The following DMXL2 variants were observed in gnomAD, a reference collection of about 807,000 sequenced individuals.
The protein encoded by DMXL2 is dmX-like protein 2.
Under a neutral mutation model 331.1 loss-of-function variants are expected in DMXL2, and 103 were observed. That is an observed-to-expected ratio of 0.31 (90% confidence interval 0.27 to 0.37). The LOEUF (loss-of-function observed/expected upper bound fraction) is 0.37. Ranked by LOEUF, DMXL2 falls within the 10% of genes least tolerant of loss-of-function variation. DMXL2 has a pLI of 1.00. For synonymous variants in DMXL2, 1,281 were observed against 1,252.1 expected (o/e 1.02, Z -0.49); for missense variants, 3,171 against 3,642.9 (o/e 0.87, Z 3.33).
intron 29 of DMXL2, among the ~76,000 whole-genome samples, chr15:51,469,649 T>C (rs1221396896): frequency 6.6e-6 from 1 of 152,204 alleles, no homozygotes; most frequent in Non-Finnish European, 1.5e-5. Flanking sequence ...GGAAACATTT[T>C]TGAAAAACAA....
chr15:51,478,538 A>G (rs1382047029), intron 25 of DMXL2, among the ~76,000 whole-genome samples, 191 bp from the exon 26 acceptor site: 1 of 152,146 alleles, frequency 6.6e-6, no homozygotes, highest in Non-Finnish European at 1.5e-5. Flanking sequence ...GCCACAATAA[A>G]GCTGATTGTT....
chr15:51,563,416 AC>A lies in DMXL2; in HGVS notation c.531del (p.Trp177CysfsTer18). 1 of 1,609,524 alleles carries A rather than the reference AC, an allele frequency of 6.2e-7. No individual in the cohort carries two copies. The highest frequency in any genetic ancestry group is 8.5e-7 in the Non-Finnish European group (1 of 1,178,206). Reference sequence around the variant, plus strand: ...GTAGCAAAATATTCACCATCAGGAGACCATTCCATCAAATGTACAGATACTG... The same window carrying A: ...GTAGCAAAATATTCACCATCAGGAGACATTCCATCAAATGTACAGATACTG... ...KTSVSVHLMEWSPDGEYFATA... is the reference protein window; with the variant it reads ...KTSVSVHLMEXSPDGEYFATA... On this transcript the variant is annotated frameshift_variant, in exon 6 of 44. Coordinates refer to ENST00000560891, the MANE Select transcript of DMXL2 (RefSeq NM_001378457.1). LOFTEE classifies it high-confidence loss of function.
At chr15:51,467,390 ATAAAT>A (rs1359997854) in intron 29 of DMXL2, among the ~76,000 whole-genome samples, 2 of 152,302 alleles carry the variant, frequency 1.3e-5, no homozygotes, top group African/African-American at 2.4e-5. Flanking sequence ...GCTTAACAAG[ATAAAT>A]TAATAATATC....
chr15:51,587,618 G>A (rs1156558429), intron 1 of DMXL2, among the ~76,000 whole-genome samples: 4 of 152,228 alleles, frequency 2.6e-5, no homozygotes, highest in East Asian at 1.9e-4. Context: ...GAATAGTGCC[G>A]CAGTAAACAT....
At chr15:51,582,594 T>C (rs868489269) in intron 1 of DMXL2, among the ~76,000 whole-genome samples, 68 of 152,288 alleles carry the variant, frequency 4.5e-4, no homozygotes, top group African/African-American at 1.5e-3. Context: ...AAAACACCCA[T>C]TCCTTCTCTC....
chr15:51,540,731 T>TTTA (rs2048547574), intron 9 of DMXL2, among the ~76,000 whole-genome samples: 1 of 152,190 alleles, frequency 6.6e-6, no homozygotes, highest in East Asian at 1.9e-4. Context: ...TATATTTACA[T>TTTA]GCAGTAACTA....
rs931080857 is a variant in DMXL2 at position 51,447,791 on chromosome 15, T to C, written c.*1193A>G. On this transcript the variant is annotated 3_prime_UTR_variant, in exon 44 of 44. Coordinates refer to ENST00000560891, the MANE Select transcript of DMXL2 (RefSeq NM_001378457.1). ...TCAAAAACAGTATCAAACTAAAAAC[T>C]CTAACAAATAACATTTATTTTTCTT... 7 of 152,652 alleles carry C rather than the reference T, an allele frequency of 4.6e-5. No homozygotes were observed. The highest frequency in any genetic ancestry group is 1.7e-4 in the African/African-American group (7 of 41,468). The allele number at this position is 152,652 out of a possible 1,614,324, so 9.5% of individuals were successfully genotyped here.
At chr15:51,505,376 T>C (rs2043988439) in intron 16 of DMXL2, among the ~76,000 whole-genome samples, 1 of 152,204 alleles carries the variant, frequency 6.6e-6, no homozygotes, top group African/African-American at 2.4e-5. Flanking sequence ...AGACACACGC[T>C]TCATAAGCAG....
intron 6 of DMXL2, among the ~76,000 whole-genome samples, chr15:51,555,413 T>C (rs1334472252): frequency 1.3e-5 from 2 of 152,004 alleles, no homozygotes; most frequent in Middle Eastern, 3.2e-3. Context: ...AGGCAAAAAA[T>C]ACAAAGTTGA....
intron 1 of DMXL2, among the ~76,000 whole-genome samples, chr15:51,585,176 G>C (rs893957715): frequency 9.9e-6 from 1 of 100,620 alleles, no homozygotes; most frequent in Non-Finnish European, 2.0e-5. Flanking sequence ...TTGAATAGGA[G>C]CGGTGAGAGA....
At position 51,502,999 on chromosome 15, in the gene DMXL2, T is replaced by C. The variant is rs751967559; in HGVS notation, c.2799A>G (p.Leu933=). The change falls in exon 17 of 44, where the codon CTA becomes CTG. Residue 933 remains leucine, a synonymous_variant. Transcript: ENST00000560891. ...CGTTCTTCTGTCCAGGGACTGAAAG[T>C]AGACTCTCAGAGGAAGCCCCTTCTG... ...KASEGASSES[L]LSVPGQKNVD... is the part of the protein sequence containing the mutation. 4.3e-6 allele frequency: 7 copies of C among 1,613,742 alleles called. No homozygotes were observed. The highest frequency in any genetic ancestry group is 3.3e-5 in the Admixed American group (2 of 60,012).
At chr15:51,582,585 A>G (rs2051508412) in intron 1 of DMXL2, among the ~76,000 whole-genome samples, 1 of 152,208 alleles carries the variant, frequency 6.6e-6, no homozygotes, top group South Asian at 2.1e-4. Flanking sequence ...TTTCCCAGGA[A>G]AACACCCATT....
intron 32 of DMXL2, among the ~76,000 whole-genome samples, chr15:51,464,390 ACC>A (rs2040395333): frequency 6.6e-6 from 1 of 152,186 alleles, no homozygotes; most frequent in African/African-American, 2.4e-5. Context: ...ACAGAGTGAG[ACC>A]TTGTCTCTTG....
rs573317184 is a variant in DMXL2 at position 51,448,503 on chromosome 15, C to T, written c.*481G>A. 9.7e-4 allele frequency: 180 copies of T among 186,394 alleles called. 3 individuals are homozygous for T. The South Asian group carries it at 0.014, about 14-fold the overall frequency. The allele number at this position is 186,394 out of a possible 1,614,324, so 11.5% of individuals were successfully genotyped here. A position where few individuals can be genotyped will look rare whatever the true frequency, so the allele number is the denominator to read the frequency against. ...TCACAGCAGAGAACTGGTCACTGCGCACTGCTCCACAGCTAAGAAAGTTTT... is the reference window on the plus strand; with the variant it reads ...TCACAGCAGAGAACTGGTCACTGCGTACTGCTCCACAGCTAAGAAAGTTTT... On this transcript the variant is annotated 3_prime_UTR_variant, in exon 44 of 44. Transcript: ENST00000560891.
chr15:51,565,784 T>C (rs2050230009), intron 3 of DMXL2, among the ~76,000 whole-genome samples: 3 of 152,202 alleles, frequency 2.0e-5, no homozygotes, highest in Non-Finnish European at 2.9e-5. Flanking sequence ...GTGAAAAGCT[T>C]TGCAAAGCTA....
rs1214786499 is a variant in DMXL2, at chr15:51,564,400, T to G, written c.365-140A>C. On this transcript the variant is annotated intron_variant, in intron 4 of 43. Coordinates refer to ENST00000560891, the MANE Select transcript of DMXL2 (RefSeq NM_001378457.1). ...TCGCCAACGAAAAACACTTGGTATA[T>G]ATTTTTTTAAAGTCCCTTATAAGAA... 3 of 566,704 alleles carry G rather than the reference T, an allele frequency of 5.3e-6. No individual in the cohort carries two copies. The African/African-American group carries it at 5.9e-5, about 11-fold the overall frequency. 35.1% of individuals were successfully genotyped at this position (566,704 alleles called of 1,614,324 possible).
At chr15:51,518,319 C>T (rs534969953) in intron 13 of DMXL2, among the ~76,000 whole-genome samples, 7 of 151,766 alleles carry the variant, frequency 4.6e-5, no homozygotes, top group African/African-American at 1.7e-4. Context: ...GGTGACAGGG[C>T]GAGACTCCGT....
At chr15:51,578,248 C>T (rs894517392) in intron 1 of DMXL2, among the ~76,000 whole-genome samples, 2 of 152,174 alleles carry the variant, frequency 1.3e-5, no homozygotes, top group Non-Finnish European at 2.9e-5. Flanking sequence ...AAACTCAGGT[C>T]CTTACAATTC....
Position 51,480,907 on chromosome 15 carries a change from C to T in DMXL2, c.6199G>A (p.Gly2067Arg), listed in dbSNP as rs140893095. 6.2e-7 allele frequency: 1 copy of T among 1,611,946 alleles called. No homozygotes were observed. The highest frequency in any genetic ancestry group is 1.3e-5 in the African/African-American group (1 of 74,866). The change falls in exon 24 of 44, where the codon GGA becomes AGA. Residue 2067 changes from glycine to arginine, a missense_variant. Physicochemically the swap from Gly to Arg is moderately radical, Grantham distance 125. This residue lies in a region of DMXL2 where 20 missense variants were observed against 46.3 expected (regional missense o/e 0.43). Transcript: ENST00000560891. ...TLATGYEVDG[G>R]KLRFQLYNWL... Reference sequence around the variant, plus strand: ...TTATAGAGTTGAAATCTGAGTTTTCCTCCATCTACTTCATAACCTGTAGCC... The same window carrying T: ...TTATAGAGTTGAAATCTGAGTTTTCTTCCATCTACTTCATAACCTGTAGCC...
Sources: gnomAD v4.1 joint callset for allele counts (sites outside exome capture counted in the v4.1 genomes callset) on GRCh38, gnomAD v4.1.1 for gene constraint, gnomAD v4.1.1 regional missense constraint, MANE v1.5 for transcripts, NCBI Gene and HGNC (gene_info 2026-07-23, HGNC 2026-07-21) for gene names.